The following PARM1 variants were observed in gnomAD, a reference collection of about 807,000 sequenced individuals.
PARM1 encodes prostate androgen-regulated mucin-like protein 1.
PARM1 carries 14 observed loss-of-function variants against 24.6 expected under a neutral mutation model. The ratio of observed to expected loss-of-function variants is 0.57; its 90% CI spans 0.38 to 0.89. PARM1 has a LOEUF of 0.89. Ranked by LOEUF, PARM1 falls within the 40% of genes least tolerant of loss-of-function variation. The pLI, the probability that PARM1 is intolerant of heterozygous loss-of-function variation, is 0.00. For synonymous variants in PARM1, 179 were observed against 156.6 expected, an observed-to-expected ratio of 1.14 and a Z score of -1.07; for missense variants, 362 against 380.4, an observed-to-expected ratio of 0.95 and a Z score of 0.40.
At chr4:74,967,127 A>T (rs1578032103) in intron 1 of PARM1, 1 of 152,212 alleles carries the variant, frequency 6.6e-6, no homozygotes, top group Non-Finnish European at 1.5e-5. Context: ...TAAACTACAG[A>T]AGGACTTTAT....
chr4:75,037,775 C>T (rs1012021190), intron 3 of PARM1, among the ~76,000 whole-genome samples: 1 of 152,206 alleles, frequency 6.6e-6, no homozygotes, highest in Admixed American at 6.5e-5. Context: ...AAATTATTAA[C>T]TCCTTGATCC....
At chr4:75,042,681 G>C (rs2109815957) in intron 3 of PARM1, among the ~76,000 whole-genome samples, 1 of 152,036 alleles carries the variant, frequency 6.6e-6, no homozygotes, top group Middle Eastern at 3.4e-3. Flanking sequence ...CTGACCTAGA[G>C]AGAAAGTTTT....
chr4:75,035,134 C>T (rs1560799405), intron 3 of PARM1, among the ~76,000 whole-genome samples: 3 of 152,280 alleles, frequency 2.0e-5, no homozygotes, highest in African/African-American at 7.2e-5. Context: ...CATCTCACTT[C>T]CTTTGAGAGA....
At chr4:75,046,114 A>C in intron 3 of PARM1, 49 bp from the exon 4 acceptor site, 1 of 1,277,250 alleles carries the variant, frequency 7.8e-7, no homozygotes, top group Non-Finnish European at 1.1e-6. Flanking sequence ...CTGTCCTCAG[A>C]TGGGCAACTT....
At chr4:74,969,076 T>G (rs1721968599) in intron 1 of PARM1, among the ~76,000 whole-genome samples, 1 of 152,172 alleles carries the variant, frequency 6.6e-6, no homozygotes, top group Admixed American at 6.5e-5. Flanking sequence ...TTTGGCTGCT[T>G]CTCTCTCCTT....
chr4:75,011,209 G>T (rs1187324387), intron 1 of PARM1, among the ~76,000 whole-genome samples: 1 of 152,158 alleles, frequency 6.6e-6, no homozygotes, highest in Non-Finnish European at 1.5e-5. Flanking sequence ...AGATTTGGAG[G>T]GCACATCCAA....
At chr4:74,952,847 A>G (rs897411454) in intron 1 of PARM1, among the ~76,000 whole-genome samples, 1 of 152,254 alleles carries the variant, frequency 6.6e-6, no homozygotes, top group Non-Finnish European at 1.5e-5. Flanking sequence ...GAATATACAT[A>G]TATTTGTGAG....
At chr4:74,939,798 C>A (rs931716993) in intron 1 of PARM1, among the ~76,000 whole-genome samples, 1 of 152,072 alleles carries the variant, frequency 6.6e-6, no homozygotes, top group Admixed American at 6.5e-5. Flanking sequence ...TCTGTGAATA[C>A]CTTATTGTTA....
At chr4:74,943,448 C>T (rs758708934) in intron 1 of PARM1, among the ~76,000 whole-genome samples, 1 of 151,674 alleles carries the variant, frequency 6.6e-6, no homozygotes, top group Non-Finnish European at 1.5e-5. Context: ...GAGACATTGG[C>T]AAACTTGCTT....
At chr4:75,019,756 C>G (rs1723053233) in intron 2 of PARM1, among the ~76,000 whole-genome samples, 1 of 151,940 alleles carries the variant, frequency 6.6e-6, no homozygotes, top group Non-Finnish European at 1.5e-5. Flanking sequence ...GTAATCCCAG[C>G]ACTTTGGGAG....
chr4:75,029,988 T>A (rs1169972930), intron 2 of PARM1, among the ~76,000 whole-genome samples: 1 of 152,082 alleles, frequency 6.6e-6, no homozygotes, highest in Non-Finnish European at 1.5e-5. Context: ...TGCCTTAAGC[T>A]AACAGTGCAC....
At chr4:74,970,775 A>C (rs1722015635) in intron 1 of PARM1, among the ~76,000 whole-genome samples, 1 of 152,212 alleles carries the variant, frequency 6.6e-6, no homozygotes, top group South Asian at 2.1e-4. Context: ...AAACCTAATC[A>C]GGAGGCAAAT....
At chr4:74,995,956 C>G (rs886307405) in intron 1 of PARM1, among the ~76,000 whole-genome samples, 2 of 152,238 alleles carry the variant, frequency 1.3e-5, no homozygotes, top group African/African-American at 4.8e-5. Flanking sequence ...TGTCTCTCAT[C>G]CCTCTCCATT....
chr4:75,035,433 G>C (rs1435342278), intron 3 of PARM1, among the ~76,000 whole-genome samples: 1 of 152,102 alleles, frequency 6.6e-6, no homozygotes, highest in Non-Finnish European at 1.5e-5. Flanking sequence ...CACACACACA[G>C]ACACCCCTGA....
In PARM1 at chr4:75,030,361, G is replaced by T. The variant is rs966821569; in HGVS notation, c.770-3522G>T. Among the ~76,000 whole-genome samples the T allele has an allele frequency of 3.3e-4, 50 of 152,176 alleles. 1 individual carries two copies. The highest frequency in any genetic ancestry group is 7.3e-5 in the Non-Finnish European group (5 of 68,030). On this transcript the variant is annotated intron_variant, in intron 2 of 3. Coordinates refer to ENST00000307428, the MANE Select transcript of PARM1 (RefSeq NM_015393.4). The stretch of plus-strand genomic sequence containing the variant: ...AATAATTCTGCCCACCTTGTAAAGA[G>T]AATTAAATAAGATGATAGCTGTACA...
intron 1 of PARM1, among the ~76,000 whole-genome samples, chr4:74,976,918 A>T (rs973845555): frequency 6.6e-6 from 1 of 152,194 alleles, no homozygotes; most frequent in Admixed American, 6.5e-5. Context: ...CAACAACAAT[A>T]TTGACAAGAA....
chr4:74,933,923 C>T (rs886986400), intron 1 of PARM1, among the ~76,000 whole-genome samples: 1 of 152,220 alleles, frequency 6.6e-6, no homozygotes, highest in Non-Finnish European at 1.5e-5. Context: ...GCACTAACAG[C>T]AGCGGCCCGG....
chr4:75,049,866 C>CT lies in PARM1; in HGVS notation c.*3633dup, dbSNP rs200170376. 3,859 of 134,160 alleles carry CT rather than the reference C, an allele frequency of 0.029. 117 individuals are homozygous for CT. Among genetic ancestry groups the CT allele is most frequent in the Admixed American group, 0.096 (1,279 of 13,378 alleles). The allele number at this position is 134,160 out of a possible 1,614,324, so 8.3% of individuals were successfully genotyped here. On this transcript the variant is annotated 3_prime_UTR_variant, in exon 4 of 4. Coordinates refer to ENST00000307428, the MANE Select transcript of PARM1 (RefSeq NM_015393.4). ...TTCTTTGCCTTTAAGCCTTTTTTTT[C>CT]TTTTTTTTTTTTTTGGCAAATGAAT...
At chr4:74,943,722 C>A (rs548143596) in intron 1 of PARM1, among the ~76,000 whole-genome samples, 59 of 152,266 alleles carry the variant, frequency 3.9e-4, no homozygotes, top group African/African-American at 1.4e-3. Context: ...GATAAAGATA[C>A]CTTCACCATT....
Sources: allele counts gnomAD v4.1 joint callset (sites outside exome capture counted in the v4.1 genomes callset), GRCh38; gene constraint gnomAD v4.1.1; transcripts MANE v1.5; gene names NCBI Gene and HGNC (gene_info 2026-07-23, HGNC 2026-07-21).